Variants in LOXL1 observed in about 807,000 individuals in gnomAD.
LOXL1 encodes the protein lysyl oxidase like 1, also known as lysyl oxidase homolog 1.
Under a neutral mutation model 62.2 loss-of-function variants are expected in LOXL1, and 31 were observed. The observed-to-expected ratio is 0.50, with a 90% confidence interval of 0.37 to 0.67. The LOEUF is 0.67. Ranked by LOEUF, LOXL1 falls within the 30% of genes least tolerant of loss-of-function variation. LOXL1 has a pLI of 0.00. For missense variants in LOXL1, 775 were observed against 843.4 expected (o/e 0.92, Z 1.00); for synonymous variants, 403 against 384.4 (o/e 1.05, Z -0.56).
In LOXL1 at chr15:73,945,082, A is replaced by ATGTGTGTGTATGTGTGCAGG. The variant is rs1266257393; in HGVS notation, c.1212-1317_1212-1316insGGTGTGTGTGTATGTGTGCA. 1.3e-5 allele frequency among the ~76,000 whole-genome samples: 2 copies of ATGTGTGTGTATGTGTGCAGG among 151,996 alleles called. No homozygotes were observed. Among genetic ancestry groups the ATGTGTGTGTATGTGTGCAGG allele is most frequent in the Non-Finnish European group, 1.5e-5 (1 of 67,978 alleles). The stretch of plus-strand genomic sequence containing the variant: ...CTGTTCCTACCACACATGTGTGTGC[A>ATGTGTGTGTATGTGTGCAGG]TGTGTGTGTATGTGTGCATGTGTGT... On this transcript the variant is annotated intron_variant, in intron 2 of 6. Transcript: ENST00000261921. This position sits in a 1 kb window ranked among gnomAD's most constrained non-coding sequence, Gnocchi z 4.3.
intron 1 of LOXL1, among the ~76,000 whole-genome samples, chr15:73,932,163 C>T (rs1486514949): frequency 6.6e-6 from 1 of 152,178 alleles, no homozygotes; most frequent in Non-Finnish European, 1.5e-5. Flanking sequence ...CCTCTGCCAG[C>T]TTTGCCTCTG....
intron 1 of LOXL1, among the ~76,000 whole-genome samples, chr15:73,933,743 G>C (rs77951661): frequency 0.072 from 10,906 of 152,346 alleles, 475 homozygotes; most frequent in African/African-American, 0.11. Context: ...AGAGGAAAGG[G>C]GCAGGGAGGG....
At chr15:73,947,698 G>T (rs2068757735) in intron 4 of LOXL1, 109 bp from the exon 5 acceptor site, 5 of 769,432 alleles carry the variant, frequency 6.5e-6, no homozygotes, top group Middle Eastern at 2.6e-4. Context: ...CTGGGCCAGG[G>T]TCAGGGGAGA....
intron 6 of LOXL1, among the ~76,000 whole-genome samples, chr15:73,949,977 A>G (rs2068773103): frequency 6.6e-6 from 1 of 152,208 alleles, no homozygotes; most frequent in Admixed American, 6.5e-5. Context: ...GAGGATCTAC[A>G]GGCCTGATGT....
At chr15:73,935,813 C>G (rs978511515) in intron 1 of LOXL1, among the ~76,000 whole-genome samples, 3 of 152,050 alleles carry the variant, frequency 2.0e-5, no homozygotes, top group African/African-American at 7.2e-5. Flanking sequence ...CTGTCTCTCC[C>G]CATTGGTGGG....
At chr15:73,928,084 C>G (rs2068604758) in intron 1 of LOXL1, 199 bp downstream of exon 1, 1 of 440,988 alleles carries the variant, frequency 2.3e-6, no homozygotes, top group African/African-American at 2.1e-5. Flanking sequence ...TAACCCGCAC[C>G]CAGGCATCAT....
At chr15:73,937,154 C>T (rs887602052) in intron 1 of LOXL1, among the ~76,000 whole-genome samples, 4 of 152,162 alleles carry the variant, frequency 2.6e-5, no homozygotes, top group Non-Finnish European at 5.9e-5. Flanking sequence ...AGGGCGGGCA[C>T]GGGAGCCGTC....
At chr15:73,938,031 A>G (rs1337787355) in intron 1 of LOXL1, among the ~76,000 whole-genome samples, 1 of 152,228 alleles carries the variant, frequency 6.6e-6, no homozygotes, top group Non-Finnish European at 1.5e-5. Flanking sequence ...TCACCCCTGT[A>G]ATCCCAGCAC....
intron 1 of LOXL1, among the ~76,000 whole-genome samples, chr15:73,932,595 G>A (rs1384865908): frequency 6.6e-6 from 1 of 152,176 alleles, no homozygotes; most frequent in African/African-American, 2.4e-5. Flanking sequence ...CCTGGTCATG[G>A]TCATTGCAGA....
rs1327197985 is a variant in LOXL1 at position 73,927,835 on chromosome 15, A to C, written c.1052A>C (p.Gln351Pro). ...GGTGGGGAGCGGAACGGCGCGCAGC[A>C]GGGCCGCCTCAGCGTGGGCAGCGTG... ...PPGGERNGAQ[Q>P]GRLSVGSVYR... The change falls in exon 1 of 7, where the codon CAG (glutamine) becomes CCG (proline). Residue 351 changes from glutamine to proline, a missense_variant. Transcript: ENST00000261921. 1.1e-5 allele frequency: 15 copies of C among 1,346,448 alleles called. No homozygotes were observed. The highest frequency in any genetic ancestry group is 1.2e-5 in the Non-Finnish European group (13 of 1,057,666). The allele number at this position is 1,346,448 out of a possible 1,614,324, so 83.4% of individuals were successfully genotyped here.
intron 1 of LOXL1, among the ~76,000 whole-genome samples, chr15:73,935,934 GGTGTGTGTGTGTGTGT>G (rs3056338): frequency 3.8e-5 from 5 of 131,838 alleles, no homozygotes; most frequent in Non-Finnish European, 6.3e-5. Context: ...AGGTAGAGCT[GGTGTGTGTGTGTGTGT>G]GTGTGTGTGT....
chr15:73,938,319 G>GTCTATCTATC (rs1555433316), intron 1 of LOXL1, among the ~76,000 whole-genome samples: 1,596 of 90,978 alleles, frequency 0.018, 20 homozygotes, highest in African/African-American at 0.032. Flanking sequence ...ATCTATCTAG[G>GTCTATCTATC]TAGATAGATA....
chr15:73,947,748 C>T (rs2068758108), intron 4 of LOXL1, 59 bp from the exon 5 acceptor site: 6 of 1,197,850 alleles, frequency 5.0e-6, no homozygotes, highest in South Asian at 1.3e-5. Context: ...TGAAGGTGGG[C>T]GTGGGGTGGC....
rs1340988681 is a variant in LOXL1 at position 73,930,873 on chromosome 15, A to C, written c.1102+2988A>C. On this transcript the variant is annotated intron_variant, in intron 1 of 6. Coordinates refer to ENST00000261921, the MANE Select transcript of LOXL1 (RefSeq NM_005576.4). This position sits in a 1 kb window ranked among gnomAD's most constrained non-coding sequence, Gnocchi z 4.7. ...AGGAAACAGAGGCCCAGAGAGGGTCACATACTTTGCCTGGCTCTCATAGCA... is the reference window on the plus strand; with the variant it reads ...AGGAAACAGAGGCCCAGAGAGGGTCCCATACTTTGCCTGGCTCTCATAGCA... Among the ~76,000 whole-genome samples the C allele has an allele frequency of 3.9e-5, 6 of 152,224 alleles. No individual in the cohort carries two copies. The highest frequency in any genetic ancestry group is 8.8e-5 in the Non-Finnish European group (6 of 68,024).
intron 1 of LOXL1, among the ~76,000 whole-genome samples, chr15:73,939,107 T>C (rs28594928): frequency 0.3 from 45,838 of 151,882 alleles, 7,725 homozygotes; most frequent in East Asian, 0.57. Flanking sequence ...TCGTGTCCAC[T>C]AGCCCCCAAC....
chr15:73,947,790 T>C lies in LOXL1; in HGVS notation c.1507-17T>C. The C allele has an allele frequency of 6.3e-7, 1 of 1,580,354 alleles. No homozygotes were observed. Among genetic ancestry groups the C allele is most frequent in the South Asian group, 1.1e-5 (1 of 89,598 alleles). The stretch of plus-strand genomic sequence containing the variant: ...AAACAAGCAGCATCACAGCCGCTCC[T>C]CTTGTCCCTTTCCCAGGGCCTGAGC... On this transcript the variant is annotated splice_polypyrimidine_tract_variant and intron_variant, in intron 4 of 6. Coordinates refer to ENST00000261921, the MANE Select transcript of LOXL1 (RefSeq NM_005576.4).
Position 73,927,112 on chromosome 15 carries a change from C to T in LOXL1, c.329C>T (p.Thr110Ile). 1 of 1,352,670 alleles carries T rather than the reference C, an allele frequency of 7.4e-7. No individual in the cohort carries two copies. Among genetic ancestry groups the T allele is most frequent in the Non-Finnish European group, 9.6e-7 (1 of 1,046,890 alleles). The allele number at this position is 1,352,670 out of a possible 1,614,324, so 83.8% of individuals were successfully genotyped here. A position where few individuals can be genotyped will look rare whatever the true frequency, so the allele number is the denominator to read the frequency against. Residue 110 changes from threonine (T) to isoleucine (I), a missense_variant, in exon 1 of 7, where the codon ACC (threonine) becomes ATC (isoleucine). Coordinates refer to ENST00000261921, the MANE Select transcript of LOXL1 (RefSeq NM_005576.4). ...CTGCCGGGGCGCGTGGGCTCGGACACCGTGCGCGGCCAGGCGCGGCACCCA... is the reference window on the plus strand; with the variant it reads ...CTGCCGGGGCGCGTGGGCTCGGACATCGTGCGCGGCCAGGCGCGGCACCCA... ...LPLPGRVGSD[T>I]VRGQARHPFG... is the part of the protein sequence containing the mutation.
rs2068576860 is a variant in LOXL1 at position 73,926,499 on chromosome 15, G to C, written c.-285G>C. The C allele has an allele frequency of 2.9e-6, 1 of 350,658 alleles. No homozygotes were observed. The highest frequency in any genetic ancestry group is 2.1e-5 in the African/African-American group (1 of 47,484). The allele number at this position is 350,658 out of a possible 1,614,324, so 21.7% of individuals were successfully genotyped here. ...AAAGCGCCAGCCGAGCGGCCAGCCAGTGCGGGGCTGGCCATGTAAGGCCCA... is the reference window on the plus strand; with the variant it reads ...AAAGCGCCAGCCGAGCGGCCAGCCACTGCGGGGCTGGCCATGTAAGGCCCA... On this transcript the variant is annotated 5_prime_UTR_variant, in exon 1 of 7. Transcript: ENST00000261921.
rs1218291606 is a variant in LOXL1, at chr15:73,947,896, C to T, written c.1596C>T (p.Ile532=). Residue 532 remains isoleucine, a synonymous_variant, in exon 5 of 7, where the codon ATC becomes ATT. Transcript: ENST00000261921. ...DITDVQPGNY[I]LKVHVNPKYI... is the part of the protein sequence containing the mutation. Reference sequence around the variant, plus strand: ...CCGACGTGCAGCCTGGGAACTACATCCTCAAGGTGGGCCTCTGGGTCTGGG... The same window carrying T: ...CCGACGTGCAGCCTGGGAACTACATTCTCAAGGTGGGCCTCTGGGTCTGGG... 5 of 1,612,630 alleles carry T rather than the reference C, an allele frequency of 3.1e-6. No individual in the cohort carries two copies. The highest frequency in any genetic ancestry group is 4.2e-6 in the Non-Finnish European group (5 of 1,178,954).
Sources: gnomAD v4.1 joint callset for allele counts (sites outside exome capture counted in the v4.1 genomes callset) on GRCh38, gnomAD v4.1.1 for gene constraint, Gnocchi (gnomAD v3.1) non-coding constraint, MANE v1.5 for transcripts, NCBI Gene and HGNC (gene_info 2026-07-23, HGNC 2026-07-21) for gene names.